Variants in CACNG2 observed in about 807,000 individuals in gnomAD.
CACNG2 encodes calcium voltage-gated channel auxiliary subunit gamma 2.
A neutral mutation model predicts 25.9 loss-of-function variants in CACNG2; 3 were observed. The observed-to-expected ratio is 0.12, with a 90% CI of 0.05 to 0.30. The LOEUF (loss-of-function observed/expected upper bound fraction) is 0.30. Ranked by LOEUF, CACNG2 falls within the 10% of genes least tolerant of loss-of-function variation. The pLI is 1.00. For missense variants in CACNG2, 341 were observed against 432.5 expected (o/e 0.79, Z 1.88); for synonymous variants, 167 against 173.3 (o/e 0.96, Z 0.29).
intron 1 of CACNG2, among the ~76,000 whole-genome samples, chr22:36,682,266 G>A (rs575535711): frequency 6.6e-6 from 1 of 152,186 alleles, no homozygotes; most frequent in Non-Finnish European, 1.5e-5. Flanking sequence ...GCCCCTGTTA[G>A]CTGTGGGACT....
chr22:36,699,909 G>A (rs1263943931), intron 1 of CACNG2, among the ~76,000 whole-genome samples: 2 of 152,236 alleles, frequency 1.3e-5, no homozygotes, highest in East Asian at 3.8e-4. Context: ...AAGTCGCCAA[G>A]GCCCAACTTC....
intron 1 of CACNG2, among the ~76,000 whole-genome samples, chr22:36,698,794 T>G (rs1267694121): frequency 6.6e-6 from 1 of 152,190 alleles, no homozygotes; most frequent in Non-Finnish European, 1.5e-5. Context: ...ACACGGAGTC[T>G]GCTTCCTCTA....
intron 1 of CACNG2, among the ~76,000 whole-genome samples, chr22:36,660,160 C>T (rs6000370): frequency 0.1 from 15,763 of 152,320 alleles, 2,706 homozygotes; most frequent in African/African-American, 0.36. Context: ...CTCACTAGGC[C>T]GTGAGCTCTT....
chr22:36,651,418 G>A (rs892713697), intron 1 of CACNG2, among the ~76,000 whole-genome samples: 1 of 151,584 alleles, frequency 6.6e-6, no homozygotes, highest in Admixed American at 6.6e-5. Flanking sequence ...AAGTAGAGAT[G>A]GGGTTTTACC....
intron 1 of CACNG2, among the ~76,000 whole-genome samples, chr22:36,613,381 C>G (rs1455853942): frequency 6.6e-6 from 1 of 152,110 alleles, no homozygotes; most frequent in African/African-American, 2.4e-5. Flanking sequence ...ATACATGTCC[C>G]TACAGTCAGC....
chr22:36,636,019 C>G (rs907475015), intron 1 of CACNG2, among the ~76,000 whole-genome samples: 2 of 152,182 alleles, frequency 1.3e-5, no homozygotes, highest in African/African-American at 4.8e-5. Context: ...GCTTTTTCTG[C>G]ATACCTCTGA....
rs1935019455 is a variant in CACNG2 at position 36,561,045 on chromosome 22, C to T, written c.*3306G>A. ...TGGACATGAGCAATCATCCACACCC[C>T]TGGGCAGCAACGCCCTTGCAGTTCC... is the stretch of plus-strand genomic sequence containing the variant. On this transcript the variant is annotated 3_prime_UTR_variant, in exon 4 of 4. Transcript: ENST00000300105. 1.3e-5 allele frequency: 2 copies of T among 152,146 alleles called. No homozygotes were observed. The highest frequency in any genetic ancestry group is 2.4e-5 in the African/African-American group (1 of 41,420). 9.4% of individuals were successfully genotyped at this position (152,146 alleles called of 1,614,324 possible).
At chr22:36,622,363 C>T (rs1936119247) in intron 1 of CACNG2, among the ~76,000 whole-genome samples, 1 of 152,212 alleles carries the variant, frequency 6.6e-6, no homozygotes, top group South Asian at 2.1e-4. Flanking sequence ...TGGGGCAACA[C>T]CAGAAAATAT....
chr22:36,616,994 A>T (rs1341037728), intron 1 of CACNG2, among the ~76,000 whole-genome samples: 2 of 152,170 alleles, frequency 1.3e-5, no homozygotes, highest in African/African-American at 4.8e-5. Context: ...TGACCAAGTT[A>T]TGGTGCATGT....
chr22:36,644,499 C>G (rs1024059722), intron 1 of CACNG2, among the ~76,000 whole-genome samples: 8 of 152,186 alleles, frequency 5.3e-5, no homozygotes, highest in Admixed American at 3.3e-4. Context: ...CTCACCACTC[C>G]TGGTAAATCA....
At chr22:36,616,151 G>A (rs1357019699) in intron 1 of CACNG2, among the ~76,000 whole-genome samples, 2 of 152,168 alleles carry the variant, frequency 1.3e-5, no homozygotes, top group Non-Finnish European at 2.9e-5. Flanking sequence ...GTCCTCATCT[G>A]TGATATGGAG....
chr22:36,568,521 C>G (rs1169095361), intron 2 of CACNG2, among the ~76,000 whole-genome samples: 1 of 152,076 alleles, frequency 6.6e-6, no homozygotes, highest in Non-Finnish European at 1.5e-5. Flanking sequence ...TCTCCTGCCT[C>G]AGCCTCCCAA....
chr22:36,615,917 T>C (rs1362429206), intron 1 of CACNG2, among the ~76,000 whole-genome samples: 1 of 152,250 alleles, frequency 6.6e-6, no homozygotes, highest in African/African-American at 2.4e-5. Context: ...TGAAAGTGTG[T>C]CTATGTTCAA....
chr22:36,644,149 A>G (rs767955665), intron 1 of CACNG2, among the ~76,000 whole-genome samples: 8 of 152,208 alleles, frequency 5.3e-5, no homozygotes, highest in Non-Finnish European at 8.8e-5. Flanking sequence ...ATTAAGTATA[A>G]AGCTCATCTG....
Position 36,623,011 on chromosome 22 carries a change from G to GATT in CACNG2, c.212-35464_212-35463insAAT, listed in dbSNP as rs1569032646. 2.7e-4 allele frequency among the ~76,000 whole-genome samples: 25 copies of GATT among 93,198 alleles called. 5 individuals carry two copies. The highest frequency in any genetic ancestry group is 9.2e-4 in the African/African-American group (21 of 22,760). The allele number at this position is 93,198 out of a possible 152,430, so 61.1% of individuals were successfully genotyped here. ...TTTCTCATTCAGTCTTCAAAACATG[G>GATT]GTTTTTTTTTTTTTTTTTTTTTTTT... On this transcript the variant is annotated intron_variant, in intron 1 of 3. Transcript: ENST00000300105.
At chr22:36,632,138 C>T (rs1265692925) in intron 1 of CACNG2, among the ~76,000 whole-genome samples, 1 of 151,808 alleles carries the variant, frequency 6.6e-6, no homozygotes, top group Non-Finnish European at 1.5e-5. Flanking sequence ...GTGATTCAGG[C>T]ACTGTTCAAA....
chr22:36,579,997 G>A (rs1269747363), intron 2 of CACNG2, among the ~76,000 whole-genome samples: 1 of 152,220 alleles, frequency 6.6e-6, no homozygotes, highest in Non-Finnish European at 1.5e-5. Context: ...CGTGGCAATC[G>A]CTCTGCAATG....
Position 36,561,026 on chromosome 22 carries a change from T to C in CACNG2, c.*3325A>G, listed in dbSNP as rs892018311. The C allele has an allele frequency of 4.7e-5, 7 of 150,430 alleles. No individual in the cohort carries two copies. Among genetic ancestry groups the C allele is most frequent in the African/African-American group, 1.7e-4 (7 of 40,724 alleles). The allele number at this position is 150,430 out of a possible 1,614,324, so 9.3% of individuals were successfully genotyped here. A position where few individuals can be genotyped will look rare whatever the true frequency, so the allele number is the denominator to read the frequency against. On this transcript the variant is annotated 3_prime_UTR_variant, in exon 4 of 4. Transcript: ENST00000300105. The stretch of plus-strand genomic sequence containing the variant: ...TTCTTGAACTGGTCTGAGCTGGACA[T>C]GAGCAATCATCCACACCCCTGGGCA...
chr22:36,590,539 T>C (rs1354033455), intron 1 of CACNG2, among the ~76,000 whole-genome samples: 1 of 152,012 alleles, frequency 6.6e-6, no homozygotes, highest in Non-Finnish European at 1.5e-5. Context: ...CTGTCTGTAT[T>C]AGATCCTTAG....
Sources: gnomAD v4.1 joint callset for allele counts (sites outside exome capture counted in the v4.1 genomes callset) on GRCh38, gnomAD v4.1.1 for gene constraint, MANE v1.5 for transcripts, NCBI Gene and HGNC (gene_info 2026-07-23, HGNC 2026-07-21) for gene names.